FRMD4B: variants seen among roughly 807,000 people sequenced by gnomAD.
The protein encoded by FRMD4B is FERM domain-containing protein 4B.
Under a neutral mutation model 141.5 loss-of-function variants are expected in FRMD4B, and 74 were observed. The observed-to-expected ratio is 0.52, with a 90% confidence interval of 0.43 to 0.63. The LOEUF (loss-of-function observed/expected upper bound fraction) is 0.63. Among genes scored for constraint, FRMD4B ranks in the 30% least tolerant of loss-of-function variants. The probability of loss-of-function intolerance (pLI) is 0.00; values close to 1 mark genes in which losing one functional copy is unlikely to be tolerated. For missense variants in FRMD4B, 1,366 were observed against 1,253.4 expected (o/e 1.09, Z -1.36); for synonymous variants, 506 against 467.9 (o/e 1.08, Z -1.05).
chr3:69,538,487 A>C (rs778870524), intron 1 of FRMD4B, among the ~76,000 whole-genome samples: 15 of 152,278 alleles, frequency 9.9e-5, no homozygotes, highest in South Asian at 4.1e-4. Context: ...GGAGTGACTC[A>C]AAGTCTCATG....
intron 1 of FRMD4B, among the ~76,000 whole-genome samples, chr3:69,444,921 G>A (rs905266182): frequency 6.6e-6 from 1 of 152,156 alleles, no homozygotes; most frequent in African/African-American, 2.4e-5. Context: ...ATACCACGTG[G>A]AGAAATTAAG....
chr3:69,277,558 T>C (rs1222046937), intron 5 of FRMD4B, among the ~76,000 whole-genome samples: 3 of 139,132 alleles, frequency 2.2e-5, no homozygotes, highest in Non-Finnish European at 3.1e-5. Flanking sequence ...TGGAGTGTTG[T>C]TGTCGCCAGG....
intron 8 of FRMD4B, among the ~76,000 whole-genome samples, chr3:69,222,204 G>A (rs547382289): frequency 6.6e-6 from 1 of 152,154 alleles, no homozygotes; most frequent in Admixed American, 6.5e-5. Context: ...CAGGCGTGGT[G>A]GCTCACGCCT....
chr3:69,267,250 C>G (rs540410389), intron 5 of FRMD4B, among the ~76,000 whole-genome samples: 3 of 152,218 alleles, frequency 2.0e-5, no homozygotes, highest in African/African-American at 7.2e-5. Flanking sequence ...CTGCCCTATA[C>G]TCTTCAGAAA....
intron 1 of FRMD4B, among the ~76,000 whole-genome samples, chr3:69,350,042 T>A (rs904823890): frequency 6.6e-6 from 1 of 152,012 alleles, no homozygotes; most frequent in South Asian, 2.1e-4. Context: ...AGGCAACCTA[T>A]AGAATGGGAG....
At chr3:69,486,359 C>A (rs1051214045) in intron 1 of FRMD4B, among the ~76,000 whole-genome samples, 2 of 152,150 alleles carry the variant, frequency 1.3e-5, no homozygotes, top group African/African-American at 4.8e-5. Flanking sequence ...GGTCTTTTAT[C>A]CCTCGCCCCT....
At chr3:69,439,109 T>C (rs1008191113) in intron 1 of FRMD4B, among the ~76,000 whole-genome samples, 1 of 152,152 alleles carries the variant, frequency 6.6e-6, no homozygotes, top group African/African-American at 2.4e-5. Flanking sequence ...TCTATGATTT[T>C]GTAATTTTAA....
intron 2 of FRMD4B, among the ~76,000 whole-genome samples, chr3:69,426,235 G>A (rs896618536): frequency 3.9e-5 from 6 of 152,180 alleles, no homozygotes; most frequent in African/African-American, 1.4e-4. Context: ...CATATAGTTT[G>A]CTAAGGATAA....
At chr3:69,389,896 C>T (rs1404686543), upstream of FRMD4B, among the ~76,000 whole-genome samples, 1 of 130,910 alleles carries the variant, frequency 7.6e-6, no homozygotes, top group Non-Finnish European at 1.6e-5. Context: ...CATTGTCTTG[C>T]TTTTTCTTTC....
chr3:69,308,475 T>C (rs958653929), intron 3 of FRMD4B, among the ~76,000 whole-genome samples: 1 of 151,000 alleles, frequency 6.6e-6, no homozygotes, highest in African/African-American at 2.4e-5. Context: ...TCTCACTCTG[T>C]CACTTGGGCT....
At chr3:69,206,301 G>A (rs1204712600) in intron 11 of FRMD4B, among the ~76,000 whole-genome samples, 1 of 152,192 alleles carries the variant, frequency 6.6e-6, no homozygotes, top group Admixed American at 6.5e-5. Context: ...AGTGAGCTGA[G>A]ATCGTGCCAC....
chr3:69,376,203 A>G (rs964967606), intron 1 of FRMD4B, among the ~76,000 whole-genome samples: 2 of 152,178 alleles, frequency 1.3e-5, no homozygotes, highest in South Asian at 2.1e-4. Context: ...GGGAAGAGGT[A>G]CAAAGGAGGT....
Position 69,538,731 on chromosome 3 carries a change from A to G in FRMD4B, c.-129+3475T>C, listed in dbSNP as rs540463147. On this transcript the variant is annotated intron_variant, in intron 1 of 5. Transcript: ENST00000459638. ...GGAGAATAAGAGATTTGGCTCCTAA[A>G]TTACCTAGAGGGTTTATCAAGCATC... Among the ~76,000 whole-genome samples, 315 of 152,318 alleles carry G rather than the reference A, an allele frequency of 2.1e-3. 1 individual carries two copies. Among genetic ancestry groups the G allele is most frequent in the Admixed American group, 0.011 (161 of 15,306 alleles).
intron 5 of FRMD4B, among the ~76,000 whole-genome samples, chr3:69,280,469 A>G (rs2093639668): frequency 6.6e-6 from 1 of 152,142 alleles, no homozygotes; most frequent in Non-Finnish European, 1.5e-5. Context: ...TCCCGAGTCC[A>G]GCCCATAAAA....
intron 1 of FRMD4B, among the ~76,000 whole-genome samples, chr3:69,498,810 T>A (rs1246976301): frequency 6.6e-6 from 1 of 152,214 alleles, no homozygotes; most frequent in Non-Finnish European, 1.5e-5. Context: ...CTTATATTTA[T>A]ACCCAGGACT....
intron 1 of FRMD4B, among the ~76,000 whole-genome samples, chr3:69,380,759 C>T (rs1468410426): frequency 2.0e-5 from 3 of 152,158 alleles, no homozygotes; most frequent in South Asian, 2.1e-4. Context: ...GTGCAAGTTG[C>T]CTCCTGTTGG....
chr3:69,311,134 A>G (rs1701572685), intron 3 of FRMD4B, 129 bp downstream of exon 3: 3 of 505,104 alleles, frequency 5.9e-6, no homozygotes, highest in Non-Finnish European at 1.1e-5. Flanking sequence ...CGCATATTAA[A>G]AAACCTTTAG....
At chr3:69,476,926 T>G (rs1200100639) in intron 1 of FRMD4B, among the ~76,000 whole-genome samples, 2 of 152,180 alleles carry the variant, frequency 1.3e-5, no homozygotes, top group South Asian at 2.1e-4. Flanking sequence ...TCACATCCCT[T>G]GTAAGTTGGA....
chr3:69,254,278 T>C (rs1310563670), intron 5 of FRMD4B, among the ~76,000 whole-genome samples: 1 of 151,858 alleles, frequency 6.6e-6, no homozygotes, highest in East Asian at 1.9e-4. Context: ...CTAATTTTTG[T>C]ATTTTTTTTT....
Sources: allele counts gnomAD v4.1 joint callset (sites outside exome capture counted in the v4.1 genomes callset), GRCh38; gene constraint gnomAD v4.1.1; transcripts MANE v1.5; gene names NCBI Gene and HGNC (gene_info 2026-07-23, HGNC 2026-07-21).